The following RPS6KA2 variants were observed in gnomAD, a reference collection of about 807,000 sequenced individuals.
RPS6KA2 encodes the protein ribosomal protein S6 kinase alpha-2.
A neutral mutation model predicts 91.8 loss-of-function variants in RPS6KA2; 42 were observed. The observed-to-expected ratio is 0.46, with a 90% CI of 0.36 to 0.59. The LOEUF is 0.59. RPS6KA2 is among the 20% of genes least tolerant of loss of function. The probability of loss-of-function intolerance (pLI) is 0.00; values close to 1 mark genes in which losing one functional copy is unlikely to be tolerated. For synonymous variants in RPS6KA2, 414 were observed against 393.6 expected, an observed-to-expected ratio of 1.05 and a Z score of -0.61; for missense variants, 798 against 978.5, an observed-to-expected ratio of 0.82 and a Z score of 2.46.
At position 166,535,097 on chromosome 6, in the gene RPS6KA2, T is replaced by C. The variant is rs143019441; in HGVS notation, c.216+3571A>G. 1.0e-3 allele frequency among the ~76,000 whole-genome samples: 154 copies of C among 152,324 alleles called. 1 individual carries two copies. Among genetic ancestry groups the C allele is most frequent in the African/African-American group, 3.6e-3 (149 of 41,570 alleles). On this transcript the variant is annotated intron_variant, in intron 2 of 20. Coordinates refer to ENST00000265678, the MANE Select transcript of RPS6KA2 (RefSeq NM_021135.6). ...CGAGCTAACGCAGGCACTGTGTCTT[T>C]AATACTCAACCCAGTGGGCGCTGTG...
rs552223797 is a variant in RPS6KA2, at chr6:166,470,796, C to T, written c.908-891G>A. Among the ~76,000 whole-genome samples, 5 of 152,346 alleles carry T rather than the reference C, an allele frequency of 3.3e-5. No individual in the cohort carries two copies. The South Asian group carries it at 1.0e-3, about 32-fold the overall frequency. On this transcript the variant is annotated intron_variant, in intron 10 of 20. Coordinates refer to ENST00000265678, the MANE Select transcript of RPS6KA2 (RefSeq NM_021135.6). Reference sequence around the variant, plus strand: ...GGGAGTGAGGGGCCGTGGAATCTTGCTGCAGTTTCTGTTCAGTTTTTCTGT... The same window carrying T: ...GGGAGTGAGGGGCCGTGGAATCTTGTTGCAGTTTCTGTTCAGTTTTTCTGT...
At chr6:166,801,838 C>T (rs1459657815) in intron 2 of RPS6KA2, among the ~76,000 whole-genome samples, 1 of 151,746 alleles carries the variant, frequency 6.6e-6, no homozygotes, top group Non-Finnish European at 1.5e-5. Flanking sequence ...AGTTCTTTGC[C>T]TTTTAGTTGT....
At position 166,494,824 on chromosome 6, in the gene RPS6KA2, T is replaced by A. The variant is rs1781727902; in HGVS notation, c.747+3684A>T. ...CAGGGGACGGACGGCCACCCACACA[T>A]GAGGACCACTCCCTCAGCACGCGGC... On this transcript the variant is annotated intron_variant, in intron 8 of 20. Coordinates refer to ENST00000265678, the MANE Select transcript of RPS6KA2 (RefSeq NM_021135.6). The surrounding 1 kb of genome is among the most constrained non-coding windows in gnomAD (Gnocchi z 5.1). Among the ~76,000 whole-genome samples, 2 of 152,120 alleles carry A rather than the reference T, an allele frequency of 1.3e-5. No individual in the cohort carries two copies. Among genetic ancestry groups the A allele is most frequent in the South Asian group, 4.1e-4 (2 of 4,832 alleles).
At chr6:166,678,671 C>A (rs1788687811) in intron 2 of RPS6KA2, among the ~76,000 whole-genome samples, 1 of 152,182 alleles carries the variant, frequency 6.6e-6, no homozygotes. Flanking sequence ...GTGACTCACG[C>A]CTGGAGAAGC....
rs567161437 is a variant in RPS6KA2, at chr6:166,468,856, T to TCCGCCTCAAAA, written c.972+984_972+985insTTTTGAGGCGG. 7.5e-4 allele frequency among the ~76,000 whole-genome samples: 84 copies of TCCGCCTCAAAA among 112,166 alleles called. 9 individuals are homozygous for TCCGCCTCAAAA. The highest frequency in any genetic ancestry group is 1.8e-3 in the African/African-American group (48 of 25,952). 73.6% of individuals were successfully genotyped at this position (112,166 alleles called of 152,430 possible). A position where few individuals can be genotyped will look rare whatever the true frequency, so the allele number is the denominator to read the frequency against. On this transcript the variant is annotated intron_variant, in intron 11 of 20. Transcript: ENST00000265678. ...TCCAGCCTGGGCGACAGAGCGAGACTAAAAAAAAAAAAAAAAAGAAGACAG... is the reference window on the plus strand; with the variant it reads ...TCCAGCCTGGGCGACAGAGCGAGACTCCGCCTCAAAAAAAAAAAAAAAAAAAAAGAAGACAG...
At chr6:166,842,340 T>C (rs1780505446) in intron 2 of RPS6KA2, among the ~76,000 whole-genome samples, 1 of 152,168 alleles carries the variant, frequency 6.6e-6, no homozygotes, top group African/African-American at 2.4e-5. Flanking sequence ...ATAACTGCGT[T>C]CTTAGAACAC....
At chr6:166,690,550 C>T (rs535336090) in intron 2 of RPS6KA2, among the ~76,000 whole-genome samples, 8 of 152,162 alleles carry the variant, frequency 5.3e-5, no homozygotes, top group African/African-American at 1.9e-4. Flanking sequence ...TCTATGAGCT[C>T]GAAGACACGC....
rs368548384 is a variant in RPS6KA2, at chr6:166,437,719, C to T, written c.1333-5229G>A. ...ATGGATGGCACACCACCATGATCTT[C>T]CTGAGCACGGACACATGCAGCCATG... On this transcript the variant is annotated intron_variant, in intron 14 of 20. Coordinates refer to ENST00000265678, the MANE Select transcript of RPS6KA2 (RefSeq NM_021135.6). This position sits in a 1 kb window ranked among gnomAD's most constrained non-coding sequence, Gnocchi z 4.3. Among the ~76,000 whole-genome samples, 2 of 152,252 alleles carry T rather than the reference C, an allele frequency of 1.3e-5. No individual in the cohort carries two copies. Among genetic ancestry groups the T allele is most frequent in the Admixed American group, 6.5e-5 (1 of 15,290 alleles).
chr6:166,851,358 CT>C (rs144788086), intron 2 of RPS6KA2, among the ~76,000 whole-genome samples: 2,260 of 152,318 alleles, frequency 0.015, 60 homozygotes, highest in African/African-American at 0.052. Context: ...TTCTTTGGGT[CT>C]TTTGCTTCAT....
At chr6:166,643,251 A>C (rs1582977732) in intron 2 of RPS6KA2, among the ~76,000 whole-genome samples, 1 of 152,254 alleles carries the variant, frequency 6.6e-6, no homozygotes, top group East Asian at 1.9e-4. Flanking sequence ...AATATGTAAA[A>C]AAATAAAGTC....
At chr6:166,453,205 ACAC>A (rs1349961459) in intron 12 of RPS6KA2, among the ~76,000 whole-genome samples, 1 of 142,704 alleles carries the variant, frequency 7.0e-6, no homozygotes, top group African/African-American at 2.6e-5. Flanking sequence ...CATCACACAC[ACAC>A]ACACACACAC....
At chr6:166,460,301 A>T (rs1025540111) in intron 11 of RPS6KA2, among the ~76,000 whole-genome samples, 5 of 152,222 alleles carry the variant, frequency 3.3e-5, no homozygotes, top group Non-Finnish European at 7.3e-5. Context: ...CTGCCTGACA[A>T]TGCTTTCCAA....
rs1298949322 is a variant in RPS6KA2 at position 166,451,118 on chromosome 6, A to G, written c.1191T>C (p.Val397=). ...PSQQDLHKVP[V]HPIVQQLHGN... is the part of the protein sequence containing the mutation. ...ACACAGTTACCTGCACGATTGGGTG[A>G]ACTGGGACTTTGTGCAGATCTTGCT... is the stretch of plus-strand genomic sequence containing the variant. The change falls in exon 13 of 21, where the codon GTT becomes GTC. Residue 397 remains valine, a synonymous_variant. Transcript: ENST00000265678. 1.9e-6 allele frequency: 3 copies of G among 1,613,992 alleles called. No individual in the cohort carries two copies. In the African/African-American group the frequency reaches 4.0e-5, roughly 22 times the overall value.
chr6:166,753,372 T>C (rs187067334), intron 2 of RPS6KA2, among the ~76,000 whole-genome samples: 100 of 152,318 alleles, frequency 6.6e-4, no homozygotes, highest in African/African-American at 2.2e-3. Context: ...CTTCAGAAAA[T>C]TAACCTCTGT....
At chr6:166,484,029 G>A (rs1014361563) in intron 10 of RPS6KA2, among the ~76,000 whole-genome samples, 3 of 152,224 alleles carry the variant, frequency 2.0e-5, no homozygotes, top group Non-Finnish European at 4.4e-5. Context: ...GGCAGAGCCC[G>A]TGCATCTGAG....
chr6:166,862,088 G>C, intron 1 of RPS6KA2: 1 of 1,614,174 alleles, frequency 6.2e-7, no homozygotes, highest in South Asian at 1.1e-5. Flanking sequence ...TGTGAAAAGT[G>C]CGTTCTCTCC....
intron 2 of RPS6KA2, chr6:166,757,603 C>G (rs534182655): frequency 2.2e-6 from 1 of 456,120 alleles, no homozygotes; most frequent in South Asian, 1.5e-5. Flanking sequence ...TCCCGGGGGC[C>G]GGGCTCCCCT....
intron 2 of RPS6KA2, among the ~76,000 whole-genome samples, chr6:166,746,098 T>C (rs569002535): frequency 7.2e-5 from 11 of 152,202 alleles, no homozygotes; most frequent in Non-Finnish European, 1.0e-4. Flanking sequence ...TACAGATTTC[T>C]TTAGATGGTC....
chr6:166,681,214 CTG>C (rs1788797935), intron 2 of RPS6KA2, among the ~76,000 whole-genome samples: 2 of 152,232 alleles, frequency 1.3e-5, no homozygotes, highest in Non-Finnish European at 2.9e-5. Context: ...GGTTACAACA[CTG>C]TATCTTAGAA....
Sources: allele counts gnomAD v4.1 joint callset (sites outside exome capture counted in the v4.1 genomes callset), GRCh38; gene constraint gnomAD v4.1.1; non-coding constraint Gnocchi (gnomAD v3.1); transcripts MANE v1.5; gene names NCBI Gene and HGNC (gene_info 2026-07-23, HGNC 2026-07-21).